The following RIMS1 variants were observed in gnomAD, a reference collection of about 807,000 sequenced individuals.
The protein encoded by RIMS1 is regulating synaptic membrane exocytosis 1.
A neutral mutation model predicts 214.1 loss-of-function variants in RIMS1; 83 were observed. The ratio of observed to expected loss-of-function variants is 0.39; its 90% CI spans 0.32 to 0.47. The LOEUF is 0.47. Among genes scored for constraint, RIMS1 ranks in the 20% least tolerant of loss-of-function variants. RIMS1 has a pLI of 0.99. For synonymous variants in RIMS1, 793 were observed against 786.8 expected (o/e 1.01, Z -0.13); for missense variants, 2,050 against 2,161.8 (o/e 0.95, Z 1.03).
At chr6:72,025,685 C>T (rs1816214224) in intron 2 of RIMS1, among the ~76,000 whole-genome samples, 1 of 152,182 alleles carries the variant, frequency 6.6e-6, no homozygotes, top group Admixed American at 6.5e-5. Context: ...GCATAAATTA[C>T]CCCTAAATGT....
At chr6:72,386,039 T>C (rs530445629) in intron 29 of RIMS1, among the ~76,000 whole-genome samples, 2 of 152,204 alleles carry the variant, frequency 1.3e-5, no homozygotes, top group East Asian at 3.9e-4. Flanking sequence ...CAAAATCAAG[T>C]AAATATAAAA....
intron 2 of RIMS1, among the ~76,000 whole-genome samples, chr6:71,996,870 A>G (rs987156440): frequency 6.6e-6 from 1 of 152,242 alleles, no homozygotes; most frequent in African/African-American, 2.4e-5. Flanking sequence ...ACTGGATTTG[A>G]TTAATGATGC....
chr6:72,004,319 G>A (rs932492342), intron 2 of RIMS1, among the ~76,000 whole-genome samples: 28 of 151,994 alleles, frequency 1.8e-4, no homozygotes, highest in East Asian at 5.8e-4. Context: ...GAATAGTGCC[G>A]CAATAAACAT....
At chr6:72,235,222 C>T (rs1341932178) in intron 7 of RIMS1, among the ~76,000 whole-genome samples, 2 of 151,826 alleles carry the variant, frequency 1.3e-5, no homozygotes, top group African/African-American at 4.8e-5. Context: ...ATTCAATGTC[C>T]TCCTTCTAGC....
chr6:71,906,542 T>A (rs558019173), intron 1 of RIMS1, among the ~76,000 whole-genome samples: 27 of 152,298 alleles, frequency 1.8e-4, no homozygotes, highest in African/African-American at 6.0e-4. Flanking sequence ...AGTTAACTAT[T>A]ATTACAACTG....
intron 4 of RIMS1, among the ~76,000 whole-genome samples, chr6:72,174,426 G>T (rs1280339339): frequency 6.6e-6 from 1 of 152,224 alleles, no homozygotes; most frequent in African/African-American, 2.4e-5. Flanking sequence ...ATTATACAGA[G>T]AGCCCCAACT....
chr6:72,193,014 A>G (rs1167997679), intron 6 of RIMS1, among the ~76,000 whole-genome samples: 2 of 152,208 alleles, frequency 1.3e-5, no homozygotes, highest in South Asian at 2.1e-4. Context: ...CACAATATGT[A>G]TATTCTCCCA....
intron 1 of RIMS1, among the ~76,000 whole-genome samples, chr6:71,913,411 T>G (rs1171955377): frequency 6.6e-6 from 1 of 152,106 alleles, no homozygotes; most frequent in Non-Finnish European, 1.5e-5. Flanking sequence ...ATAATGTTGT[T>G]TTGGGAAAAT....
At chr6:72,128,072 G>C (rs1454078238) in intron 4 of RIMS1, among the ~76,000 whole-genome samples, 1 of 152,160 alleles carries the variant, frequency 6.6e-6, no homozygotes, top group African/African-American at 2.4e-5. Context: ...TATGACAAGA[G>C]GTTATTTGGC....
At chr6:72,096,840 T>A in intron 2 of RIMS1, 109 bp from the exon 3 acceptor site, 1 of 938,426 alleles carries the variant, frequency 1.1e-6, no homozygotes. Flanking sequence ...TTTGCTTTAG[T>A]TCAAAGAGCT....
At chr6:72,298,720 TCAC>T (rs756651337) in intron 26 of RIMS1, among the ~76,000 whole-genome samples, 1 of 151,988 alleles carries the variant, frequency 6.6e-6, no homozygotes, top group Non-Finnish European at 1.5e-5. Context: ...CCTGTAACAA[TCAC>T]CACTCAGCAC....
intron 2 of RIMS1, among the ~76,000 whole-genome samples, chr6:71,993,224 G>A (rs1802419511): frequency 6.6e-6 from 1 of 152,170 alleles, no homozygotes. Flanking sequence ...TTAAAAGAGA[G>A]AAAAGAAGAC....
rs1228686376 is a variant in RIMS1, at chr6:72,233,777, T to A, written c.1683T>A (p.Asp561Glu). 1 of 1,569,540 alleles carries A rather than the reference T, an allele frequency of 6.4e-7. No homozygotes were observed. Among genetic ancestry groups the A allele is most frequent in the Non-Finnish European group, 8.7e-7 (1 of 1,154,438 alleles). The change falls in exon 7 of 34, where the codon GAT (aspartate) becomes GAA (glutamate). Residue 561 changes from aspartate to glutamate, a missense_variant. Asp to Glu is a conservative substitution (Grantham distance 45). This residue lies in a region of RIMS1 where 882 missense variants were observed against 828.9 expected (regional missense o/e 1.06). Transcript: ENST00000521978. ...CATTCTTTTTGTATTGCACAGGTGA[T>A]TTGGATTATTACTGGTTGGATCCTG... ...LESESVSEKG[D>E]LDYYWLDPAT...
chr6:72,395,121 A>T (rs992643182), intron 31 of RIMS1, among the ~76,000 whole-genome samples: 13 of 152,004 alleles, frequency 8.6e-5, no homozygotes, highest in Non-Finnish European at 2.9e-5. Flanking sequence ...ATATAAATTT[A>T]AAAAAATCTT....
intron 29 of RIMS1, among the ~76,000 whole-genome samples, chr6:72,340,676 G>A (rs1334614602): frequency 1.4e-4 from 22 of 152,006 alleles, no homozygotes; most frequent in Non-Finnish European, 3.1e-4. Flanking sequence ...TGCTATTTTC[G>A]TTTTTGTAGC....
chr6:72,108,631 A>G (rs2035291187), intron 4 of RIMS1, among the ~76,000 whole-genome samples: 1 of 151,892 alleles, frequency 6.6e-6, no homozygotes, highest in South Asian at 2.1e-4. Flanking sequence ...TTCCCAATCT[A>G]TATTTGATTC....
At chr6:71,974,015 T>A (rs1281249279) in intron 2 of RIMS1, among the ~76,000 whole-genome samples, 1 of 151,396 alleles carries the variant, frequency 6.6e-6, no homozygotes, top group Admixed American at 6.6e-5. Context: ...TCTGGGGAGG[T>A]GTTGGGGGTC....
At chr6:72,118,481 A>G in intron 4 of RIMS1, among the ~76,000 whole-genome samples, 1 of 151,680 alleles carries the variant, frequency 6.6e-6, no homozygotes, top group East Asian at 1.9e-4. Flanking sequence ...CTATGAAGCC[A>G]GTATTACCCT....
At chr6:72,029,008 T>C (rs1427297478) in intron 2 of RIMS1, among the ~76,000 whole-genome samples, 1 of 152,188 alleles carries the variant, frequency 6.6e-6, no homozygotes, top group Non-Finnish European at 1.5e-5. Flanking sequence ...AAAGTTTTTA[T>C]TGAAGTTTAA....
Sources: allele counts gnomAD v4.1 joint callset (sites outside exome capture counted in the v4.1 genomes callset), GRCh38; gene constraint gnomAD v4.1.1; regional missense constraint gnomAD v4.1.1; transcripts MANE v1.5; gene names NCBI Gene and HGNC (gene_info 2026-07-23, HGNC 2026-07-21).